The following XRCC4 variants were observed in gnomAD, a reference collection of about 807,000 sequenced individuals.
XRCC4 encodes the protein X-ray repair cross complementing 4, also known as DNA repair protein XRCC4.
In XRCC4, 28 loss-of-function variants were observed where a neutral mutation model predicts 39.1. The ratio of observed to expected loss-of-function variants is 0.72; its 90% CI spans 0.53 to 0.98. The LOEUF (loss-of-function observed/expected upper bound fraction) is 0.98, where lower values mean the gene tolerates loss of function less well. Ranked by LOEUF, XRCC4 falls within the 50% of genes least tolerant of loss-of-function variation. XRCC4 has a pLI of 0.00. For missense variants in XRCC4, 350 were observed against 376.4 expected, an observed-to-expected ratio of 0.93 and a Z score of 0.58; for synonymous variants, 123 against 126.4, an observed-to-expected ratio of 0.97 and a Z score of 0.18.
chr5:83,339,303 G>T (rs1756685205), intron 7 of XRCC4, among the ~76,000 whole-genome samples: 2 of 152,074 alleles, frequency 1.3e-5, no homozygotes, highest in South Asian at 4.1e-4. Flanking sequence ...GAATAGTCTT[G>T]CTTTATAGAC....
intron 3 of XRCC4, among the ~76,000 whole-genome samples, chr5:83,191,462 T>C (rs1274091743): frequency 6.6e-6 from 1 of 152,178 alleles, no homozygotes; most frequent in Non-Finnish European, 1.5e-5. Flanking sequence ...CTCAGCACTT[T>C]GGGAGGCCGA....
At chr5:83,183,087 T>C (rs1750272085) in intron 3 of XRCC4, among the ~76,000 whole-genome samples, 1 of 152,170 alleles carries the variant, frequency 6.6e-6, no homozygotes, top group African/African-American at 2.4e-5. Context: ...ATTCATTGAC[T>C]TCTGGTATCT....
At chr5:83,164,330 T>C (rs562572965) in intron 3 of XRCC4, among the ~76,000 whole-genome samples, 1 of 152,282 alleles carries the variant, frequency 6.6e-6, no homozygotes, top group East Asian at 1.9e-4. Context: ...ATCTTTTAAA[T>C]AATAATATTT....
intron 7 of XRCC4, among the ~76,000 whole-genome samples, chr5:83,277,287 G>A (rs953206773): frequency 6.6e-6 from 1 of 152,184 alleles, no homozygotes; most frequent in Non-Finnish European, 1.5e-5. Context: ...CTATCGTTGA[G>A]TAAGACTATA....
At chr5:83,356,911 T>C (rs867457827), downstream of XRCC4, among the ~76,000 whole-genome samples, 5 of 152,192 alleles carry the variant, frequency 3.3e-5, no homozygotes, top group Middle Eastern at 3.2e-3. Flanking sequence ...TCCAGCCTCA[T>C]TACAGAAGTT....
chr5:83,135,505 T>C (rs955972735), intron 3 of XRCC4, among the ~76,000 whole-genome samples: 12 of 152,182 alleles, frequency 7.9e-5, no homozygotes, highest in African/African-American at 2.4e-4. Context: ...AGCTTTGATC[T>C]ATTCATTTAT....
intron 7 of XRCC4, among the ~76,000 whole-genome samples, chr5:83,324,456 A>G (rs1201186364): frequency 6.6e-6 from 1 of 152,128 alleles, no homozygotes; most frequent in Non-Finnish European, 1.5e-5. Flanking sequence ...AACATTAAAA[A>G]TATTTTATTC....
chr5:83,239,018 C>T (rs561654073), intron 6 of XRCC4, among the ~76,000 whole-genome samples: 48 of 152,236 alleles, frequency 3.2e-4, no homozygotes, highest in African/African-American at 1.2e-3. Flanking sequence ...AATTAAATGT[C>T]TAATGATTCT....
At chr5:83,372,269 C>T in the XRCC4 span, among the ~76,000 whole-genome samples, 1 of 152,078 alleles carries the variant, frequency 6.6e-6, no homozygotes, top group South Asian at 2.1e-4. Flanking sequence ...TTCCAAAGTG[C>T]AATTTATTTT....
At chr5:83,293,883 T>A (rs1755008671) in intron 7 of XRCC4, among the ~76,000 whole-genome samples, 1 of 152,078 alleles carries the variant, frequency 6.6e-6, no homozygotes, top group Non-Finnish European at 1.5e-5. Context: ...CAAAAGATAC[T>A]TTTAAATTAA....
At chr5:83,291,331 A>C (rs1285990952) in intron 7 of XRCC4, among the ~76,000 whole-genome samples, 1 of 151,898 alleles carries the variant, frequency 6.6e-6, no homozygotes, top group Non-Finnish European at 1.5e-5. Flanking sequence ...GAGCACTTTC[A>C]GCTCATAAAT....
At chr5:83,191,902 AC>A (rs534745932) in intron 3 of XRCC4, among the ~76,000 whole-genome samples, 22 of 152,202 alleles carry the variant, frequency 1.4e-4, no homozygotes, top group African/African-American at 4.8e-4. Context: ...ACCAACTAAT[AC>A]ATAGGCTAAC....
rs560667796 is a variant in XRCC4 at position 83,218,062 on chromosome 5, T to TTATATATATATATATATATA, written c.745+13158_745+13159insATATATATATATATATATAT. ...TTGAACTTCTCAGTCTTTACCTTTT[T>TTATATATATATATATATATA]TATATATATATATATATTTATTAGA... is the stretch of plus-strand genomic sequence containing the variant. On this transcript the variant is annotated intron_variant, in intron 6 of 7. Transcript: ENST00000396027. 1.2e-4 allele frequency among the ~76,000 whole-genome samples: 17 copies of TTATATATATATATATATATA among 147,610 alleles called. No homozygotes were observed. In the South Asian group the frequency reaches 2.4e-3, roughly 21 times the overall value.
intron 1 of XRCC4, among the ~76,000 whole-genome samples, chr5:83,084,682 A>G (rs1021539398): frequency 5.3e-5 from 8 of 152,280 alleles, no homozygotes; most frequent in African/African-American, 1.4e-4. Context: ...TGATTTAATT[A>G]TGATTAGTTT....
At chr5:83,238,743 G>A (rs918230946) in intron 6 of XRCC4, among the ~76,000 whole-genome samples, 4 of 151,992 alleles carry the variant, frequency 2.6e-5, no homozygotes, top group East Asian at 1.9e-4. Context: ...AAGAAGTAAG[G>A]TTGGGTCCTT....
intron 3 of XRCC4, among the ~76,000 whole-genome samples, chr5:83,134,400 T>C (rs1747775977): frequency 6.6e-6 from 1 of 152,136 alleles, no homozygotes; most frequent in South Asian, 2.1e-4. Flanking sequence ...GTCTAGCTAA[T>C]TGGGTGGTGA....
intron 7 of XRCC4, among the ~76,000 whole-genome samples, chr5:83,274,477 T>C (rs968970035): frequency 6.6e-5 from 10 of 152,194 alleles, no homozygotes; most frequent in Admixed American, 3.9e-4. Context: ...GCACAGAGGA[T>C]AGAAGACATG....
At chr5:83,257,015 T>C (rs1182923441) in intron 6 of XRCC4, among the ~76,000 whole-genome samples, 3 of 152,030 alleles carry the variant, frequency 2.0e-5, no homozygotes, top group Non-Finnish European at 4.4e-5. Context: ...TGGAAATTGA[T>C]AGTTATTAAG....
the XRCC4 span, among the ~76,000 whole-genome samples, chr5:83,373,661 T>G: frequency 6.6e-6 from 1 of 152,196 alleles, no homozygotes; most frequent in Non-Finnish European, 1.5e-5. Flanking sequence ...AAATCTTAAT[T>G]CAGTGTTGGT....
Sources: gnomAD v4.1 joint callset for allele counts (sites outside exome capture counted in the v4.1 genomes callset) on GRCh38, gnomAD v4.1.1 for gene constraint, MANE v1.5 for transcripts, NCBI Gene and HGNC (gene_info 2026-07-23, HGNC 2026-07-21) for gene names.